The following PIP4K2A variants were observed in gnomAD, a reference collection of about 807,000 sequenced individuals.
PIP4K2A encodes phosphatidylinositol 5-phosphate 4-kinase type-2 alpha.
A neutral mutation model predicts 42.9 loss-of-function variants in PIP4K2A; 14 were observed. That is an observed-to-expected ratio of 0.33 (90% confidence interval 0.22 to 0.51). The LOEUF is 0.51. PIP4K2A is among the 20% of genes least tolerant of loss of function. The pLI is 0.97. For synonymous variants in PIP4K2A, 192 were observed against 192.2 expected (o/e 1.00, Z 0.01); for missense variants, 434 against 519.8 (o/e 0.83, Z 1.61).
intron 1 of PIP4K2A, among the ~76,000 whole-genome samples, chr10:22,686,820 G>A (rs1240103839): frequency 6.6e-6 from 1 of 152,084 alleles, no homozygotes; most frequent in African/African-American, 2.4e-5. Flanking sequence ...TACAAAGTAG[G>A]TAACATTTCA....
At chr10:22,569,241 C>T (rs1391341492) in intron 5 of PIP4K2A, among the ~76,000 whole-genome samples, 1 of 152,204 alleles carries the variant, frequency 6.6e-6, no homozygotes, top group Non-Finnish European at 1.5e-5. Context: ...CCCTGGTGCT[C>T]AGTGCCCCCA....
At chr10:22,539,479 A>G (rs1836029046) in intron 9 of PIP4K2A, 1 of 153,346 alleles carries the variant, frequency 6.5e-6, no homozygotes, top group African/African-American at 2.4e-5. Flanking sequence ...GAGAAAAGAA[A>G]TATTAATCCT....
intron 3 of PIP4K2A, among the ~76,000 whole-genome samples, chr10:22,601,154 AAAAAAAAAAC>A (rs1310344237): frequency 9.6e-5 from 13 of 135,096 alleles, no homozygotes; most frequent in South Asian, 2.3e-4. Context: ...AAAAAAAAAA[AAAAAAAAAAC>A]AAACCAGGAA....
intron 1 of PIP4K2A, among the ~76,000 whole-genome samples, chr10:22,628,541 G>A (rs1267445572): frequency 6.6e-6 from 1 of 152,178 alleles, no homozygotes; most frequent in Admixed American, 6.5e-5. Flanking sequence ...AGAGCCTTCA[G>A]GAAATCTTAA....
intron 6 of PIP4K2A, among the ~76,000 whole-genome samples, chr10:22,562,867 G>A (rs1378383890): frequency 3.3e-5 from 5 of 152,056 alleles, no homozygotes; most frequent in East Asian, 3.9e-4. Context: ...CTGTTCTGAC[G>A]CCACCCTGAC....
intron 5 of PIP4K2A, 46 bp downstream of exon 5, chr10:22,573,265 G>A (rs1837032407): frequency 1.2e-5 from 19 of 1,536,108 alleles, no homozygotes; most frequent in Non-Finnish European, 1.6e-5. Context: ...CAATGTAGAA[G>A]AGTAAGCTTG....
At chr10:22,560,915 T>C (rs1174978375) in intron 6 of PIP4K2A, among the ~76,000 whole-genome samples, 1 of 152,242 alleles carries the variant, frequency 6.6e-6, no homozygotes. Flanking sequence ...TCCAGTTATG[T>C]TTTCTTTTAC....
intron 1 of PIP4K2A, among the ~76,000 whole-genome samples, chr10:22,672,473 G>C (rs1564463098): frequency 6.6e-6 from 1 of 152,172 alleles, no homozygotes; most frequent in Non-Finnish European, 1.5e-5. Context: ...CATATTTCTT[G>C]CTAATGCTGA....
intron 1 of PIP4K2A, among the ~76,000 whole-genome samples, chr10:22,711,511 C>T (rs1018676703): frequency 3.9e-5 from 6 of 152,178 alleles, no homozygotes; most frequent in African/African-American, 1.4e-4. Flanking sequence ...ACTGAAAAAA[C>T]AGAATCTTGA....
chr10:22,640,204 T>C lies in PIP4K2A; in HGVS notation c.145-30487A>G, dbSNP rs928806831. On this transcript the variant is annotated intron_variant, in intron 1 of 9. Coordinates refer to ENST00000376573, the MANE Select transcript of PIP4K2A (RefSeq NM_005028.5). Reference sequence around the variant, plus strand: ...ACTAGATTTTTGAAATTGTTAATTTTAGAATATTGAAAGAAAATGTTTGAC... The same window carrying C: ...ACTAGATTTTTGAAATTGTTAATTTCAGAATATTGAAAGAAAATGTTTGAC... 3.9e-5 allele frequency among the ~76,000 whole-genome samples: 6 copies of C among 152,294 alleles called. No homozygotes were observed. The East Asian group carries it at 1.2e-3, about 29-fold the overall frequency.
Position 22,536,866 on chromosome 10 carries a change from T to C in PIP4K2A, c.*335A>G, listed in dbSNP as rs1835945111. ...CTCATTCATTCGGCCATAGCTGGAATCAAAGGGTCTTTGTTGGGACACATA... is the reference window on the plus strand; with the variant it reads ...CTCATTCATTCGGCCATAGCTGGAACCAAAGGGTCTTTGTTGGGACACATA... On this transcript the variant is annotated 3_prime_UTR_variant, in exon 10 of 10. Transcript: ENST00000376573. The C allele has an allele frequency of 5.1e-6, 1 of 197,000 alleles. No homozygotes were observed. Among genetic ancestry groups the C allele is most frequent in the South Asian group, 1.3e-4 (1 of 7,510 alleles). 12.2% of individuals were successfully genotyped at this position (197,000 alleles called of 1,614,324 possible). A position where few individuals can be genotyped will look rare whatever the true frequency, so the allele number is the denominator to read the frequency against.
At chr10:22,648,894 C>A (rs958035674) in intron 1 of PIP4K2A, among the ~76,000 whole-genome samples, 1 of 152,182 alleles carries the variant, frequency 6.6e-6, no homozygotes, top group African/African-American at 2.4e-5. Context: ...ATCATCAGAA[C>A]GTAGCCCAAA....
intron 5 of PIP4K2A, among the ~76,000 whole-genome samples, chr10:22,568,422 G>C (rs918707325): frequency 1.3e-5 from 2 of 151,844 alleles, no homozygotes; most frequent in Admixed American, 1.3e-4. Context: ...AGTTACTGAT[G>C]AACACTCTTT....
At chr10:22,547,735 C>T (rs1382133413) in intron 7 of PIP4K2A, among the ~76,000 whole-genome samples, 1 of 152,122 alleles carries the variant, frequency 6.6e-6, no homozygotes. Flanking sequence ...TCTTCAGGGC[C>T]GTGATCAGAA....
At chr10:22,604,001 G>A (rs1564439054) in intron 3 of PIP4K2A, among the ~76,000 whole-genome samples, 2 of 101,518 alleles carry the variant, frequency 2.0e-5, no homozygotes, top group South Asian at 3.7e-4. Flanking sequence ...GAGCACACAC[G>A]CGCGCACGCA....
At chr10:22,540,191 CGGATGG>C in intron 8 of PIP4K2A, 117 bp from the exon 9 acceptor site, 3 of 700,000 alleles carry the variant, frequency 4.3e-6, no homozygotes, top group South Asian at 3.2e-5. Flanking sequence ...CAATGGAACG[CGGATGG>C]AAGGAGTCCA....
At chr10:22,550,233 TG>T (rs1398485314) in intron 7 of PIP4K2A, among the ~76,000 whole-genome samples, 1 of 152,186 alleles carries the variant, frequency 6.6e-6, no homozygotes, top group African/African-American at 2.4e-5. Flanking sequence ...AGCACTGACT[TG>T]TGCTTTAGAG....
rs1242625762 is a variant in PIP4K2A, at chr10:22,570,570, T to C, written c.640-2681A>G. Among the ~76,000 whole-genome samples the C allele has an allele frequency of 2.0e-5, 3 of 152,216 alleles. No individual in the cohort carries two copies. In the East Asian group the frequency reaches 5.8e-4, roughly 29 times the overall value. Reference sequence around the variant, plus strand: ...GTGTATTTGGGAAGTGGATCCAGTGTGTGGGGACTTCAGAGGTTAGGAGAC... The same window carrying C: ...GTGTATTTGGGAAGTGGATCCAGTGCGTGGGGACTTCAGAGGTTAGGAGAC... On this transcript the variant is annotated intron_variant, in intron 5 of 9. Coordinates refer to ENST00000376573, the MANE Select transcript of PIP4K2A (RefSeq NM_005028.5).
intron 1 of PIP4K2A, among the ~76,000 whole-genome samples, chr10:22,648,594 T>G (rs1838931447): frequency 6.6e-6 from 1 of 152,200 alleles, no homozygotes; most frequent in Non-Finnish European, 1.5e-5. Flanking sequence ...GGAGGAGCCC[T>G]GAAACATGTG....
Sources: gnomAD v4.1 joint callset for allele counts (sites outside exome capture counted in the v4.1 genomes callset) on GRCh38, gnomAD v4.1.1 for gene constraint, MANE v1.5 for transcripts, NCBI Gene and HGNC (gene_info 2026-07-23, HGNC 2026-07-21) for gene names.